The following ABLIM2 variants were observed in gnomAD, a reference collection of about 807,000 sequenced individuals.
The protein encoded by ABLIM2 is actin-binding LIM protein 2.
In ABLIM2, 53 loss-of-function variants were observed where a neutral mutation model predicts 97.7. The ratio of observed to expected loss-of-function variants is 0.54; its 90% CI spans 0.44 to 0.68. The LOEUF (loss-of-function observed/expected upper bound fraction) is 0.68. ABLIM2 is among the 30% of genes least tolerant of loss of function. The probability of loss-of-function intolerance (pLI) is 0.00; values close to 1 mark genes in which losing one functional copy is unlikely to be tolerated. For synonymous variants in ABLIM2, 361 were observed against 345.8 expected, an observed-to-expected ratio of 1.04 and a Z score of -0.49; for missense variants, 835 against 867.2, an observed-to-expected ratio of 0.96 and a Z score of 0.47.
At chr4:8,133,527 C>T (rs1849731464) in intron 1 of ABLIM2, among the ~76,000 whole-genome samples, 2 of 152,330 alleles carry the variant, frequency 1.3e-5, no homozygotes, top group South Asian at 2.1e-4. Flanking sequence ...TCCCAGTCTC[C>T]AGCACACAGT....
rs183186793 is a variant in ABLIM2, at chr4:8,085,605, G to A, written c.454+2564C>T. ...AGCCCCGTCCACTCACGCGGGTCTG[G>A]GGGGTGCCCACGCTGCAGCCCTGTC... On this transcript the variant is annotated intron_variant, in intron 4 of 20. Coordinates refer to ENST00000447017, the MANE Select transcript of ABLIM2 (RefSeq NM_001130083.2). This position sits in a 1 kb window ranked among gnomAD's most constrained non-coding sequence, Gnocchi z 6.1. 9.8e-3 allele frequency among the ~76,000 whole-genome samples: 1,460 copies of A among 148,644 alleles called. 23 individuals carry two copies. Among genetic ancestry groups the A allele is most frequent in the African/African-American group, 0.033 (1,328 of 39,918 alleles).
At chr4:8,045,104 C>T (rs762833024) in intron 9 of ABLIM2, 60 bp downstream of exon 9, 7 of 1,508,932 alleles carry the variant, frequency 4.6e-6, no homozygotes, top group Admixed American at 1.7e-5. Flanking sequence ...CCACGGCCAC[C>T]GGGCCCCCCT....
At chr4:7,983,204 G>C in intron 20 of ABLIM2, 60 bp downstream of exon 20, 1 of 1,522,176 alleles carries the variant, frequency 6.6e-7, no homozygotes. Flanking sequence ...CACGGAGGAG[G>C]CATCTGCGGG....
intron 7 of ABLIM2, among the ~76,000 whole-genome samples, chr4:8,060,720 TG>T (rs1802415506): frequency 6.6e-6 from 1 of 152,222 alleles, no homozygotes. Context: ...TGCTGGTCTT[TG>T]GCTCGGCCCT....
At chr4:8,025,173 C>A (rs1187149403) in intron 12 of ABLIM2, among the ~76,000 whole-genome samples, 1 of 152,196 alleles carries the variant, frequency 6.6e-6, no homozygotes, top group East Asian at 1.9e-4. Flanking sequence ...GGTGATCCGC[C>A]CACCTTGGCC....
rs1773357528 is a variant in ABLIM2 at position 8,021,065 on chromosome 4, T to G, written c.1268-762A>C. Among the ~76,000 whole-genome samples, 1 of 151,950 alleles carries G rather than the reference T, an allele frequency of 6.6e-6. No homozygotes were observed. The highest frequency in any genetic ancestry group is 2.4e-5 in the African/African-American group (1 of 41,358). On this transcript the variant is annotated intron_variant, in intron 12 of 20. Transcript: ENST00000447017. This position sits in a 1 kb window ranked among gnomAD's most constrained non-coding sequence, Gnocchi z 5.5. ...AAGATGGGGTTTTGCCACGTTGCCC[T>G]GGCTGGTCTTGAACTCCTGGGCTCA...
At position 7,966,986 on chromosome 4, in the gene ABLIM2, G is replaced by A; in HGVS notation, c.*4C>T. The A allele has an allele frequency of 6.2e-7, 1 of 1,611,690 alleles. No homozygotes were observed. The highest frequency in any genetic ancestry group is 8.5e-7 in the Non-Finnish European group (1 of 1,178,960). Reference sequence around the variant, plus strand: ...CACACACCAGTGGGGCAGGCTGGCAGCCGTCAGAACAAAAGGGCTTTCTTC... The same window carrying A: ...CACACACCAGTGGGGCAGGCTGGCAACCGTCAGAACAAAAGGGCTTTCTTC... On this transcript the variant is annotated 3_prime_UTR_variant, in exon 21 of 21. Transcript: ENST00000447017.
intron 9 of ABLIM2, among the ~76,000 whole-genome samples, chr4:8,042,926 G>A (rs1482957441): frequency 6.6e-6 from 1 of 151,768 alleles, no homozygotes; most frequent in African/African-American, 2.4e-5. Flanking sequence ...TGAGGCAGGT[G>A]GATTGCTTGA....
intron 17 of ABLIM2, among the ~76,000 whole-genome samples, chr4:7,991,644 C>T (rs989222620): frequency 2.0e-5 from 3 of 152,202 alleles, no homozygotes; most frequent in African/African-American, 7.2e-5. Context: ...TTCAAAGAAG[C>T]GTGCCACATG....
At position 8,075,158 on chromosome 4, in the gene ABLIM2, C is replaced by T. The variant is rs544829346; in HGVS notation, c.675+2470G>A. 6.6e-6 allele frequency among the ~76,000 whole-genome samples: 1 copy of T among 152,294 alleles called. No homozygotes were observed. The highest frequency in any genetic ancestry group is 2.4e-5 in the African/African-American group (1 of 41,552). ...CTTATGTCCGAACGAACCTTGAAAA[C>T]ATCAAGCTATGTGAAAGAAGCCGGT... On this transcript the variant is annotated intron_variant, in intron 6 of 20. Transcript: ENST00000447017. The surrounding 1 kb of genome is among the most constrained non-coding windows in gnomAD (Gnocchi z 4.4).
rs1578118895 is a variant in ABLIM2 at position 7,992,472 on chromosome 4, C to T, written c.1680+394G>A. ...AGGGCATCCCCGAGAAGGAGGTGGG[C>T]ACTTGGCTCACACTGGCTCACCAAA... On this transcript the variant is annotated intron_variant, in intron 17 of 20. Coordinates refer to ENST00000447017, the MANE Select transcript of ABLIM2 (RefSeq NM_001130083.2). The surrounding 1 kb of genome is among the most constrained non-coding windows in gnomAD (Gnocchi z 5.7). Among the ~76,000 whole-genome samples, 1 of 152,138 alleles carries T rather than the reference C, an allele frequency of 6.6e-6. No homozygotes were observed. The highest frequency in any genetic ancestry group is 2.4e-5 in the African/African-American group (1 of 41,436).
intron 5 of ABLIM2, among the ~76,000 whole-genome samples, chr4:8,078,622 GCGCTGC>G (rs1306029376): frequency 6.6e-6 from 1 of 152,226 alleles, no homozygotes; most frequent in Non-Finnish European, 1.5e-5. Context: ...GTGTGGGGAG[GCGCTGC>G]TCTGCTGAGC....
chr4:8,023,910 G>A lies in ABLIM2; in HGVS notation c.1268-3607C>T, dbSNP rs1457421543. Among the ~76,000 whole-genome samples the A allele has an allele frequency of 3.3e-5, 5 of 152,194 alleles. No individual in the cohort carries two copies. Among genetic ancestry groups the A allele is most frequent in the South Asian group, 2.1e-4 (1 of 4,832 alleles). On this transcript the variant is annotated intron_variant, in intron 12 of 20. Coordinates refer to ENST00000447017, the MANE Select transcript of ABLIM2 (RefSeq NM_001130083.2). This position sits in a 1 kb window ranked among gnomAD's most constrained non-coding sequence, Gnocchi z 5.7. ...TGCTGGCTCAGCTGGCTCCTGTGGA[G>A]CCTCCTCCAGGTGACACCGCAGAGA...
intron 16 of ABLIM2, among the ~76,000 whole-genome samples, chr4:7,997,337 TG>T (rs1021994266): frequency 1.3e-5 from 2 of 152,194 alleles, no homozygotes; most frequent in African/African-American, 4.8e-5. Context: ...CCTAAAGTGC[TG>T]GGATTACAGG....
intron 5 of ABLIM2, among the ~76,000 whole-genome samples, chr4:8,079,920 G>A (rs1052479088): frequency 6.6e-6 from 1 of 152,290 alleles, no homozygotes; most frequent in Middle Eastern, 3.4e-3. Flanking sequence ...CCAGGAAGGG[G>A]CCCTCTGCGC....
chr4:7,991,721 C>T (rs927899416), intron 17 of ABLIM2, among the ~76,000 whole-genome samples: 1 of 152,124 alleles, frequency 6.6e-6, no homozygotes, highest in Non-Finnish European at 1.5e-5. Flanking sequence ...GTGTGGTTTG[C>T]TAGATTCAAA....
chr4:7,983,233 G>A (rs1467441568), intron 20 of ABLIM2, 31 bp downstream of exon 20: 1 of 1,589,662 alleles, frequency 6.3e-7, no homozygotes, highest in Admixed American at 1.8e-5. Context: ...CATGGGAAAT[G>A]AGTCCCCTGC....
rs1311164463 is a variant in ABLIM2 at position 8,083,066 on chromosome 4, C to T, written c.455-2264G>A. Among the ~76,000 whole-genome samples the T allele has an allele frequency of 6.6e-6, 1 of 152,158 alleles. No homozygotes were observed. The highest frequency in any genetic ancestry group is 1.5e-5 in the Non-Finnish European group (1 of 68,026). On this transcript the variant is annotated intron_variant, in intron 4 of 20. Transcript: ENST00000447017. The surrounding 1 kb of genome is among the most constrained non-coding windows in gnomAD (Gnocchi z 4.6). Reference sequence around the variant, plus strand: ...GTGGGCAGTGGACACAGGATGCTAACCGTGCCAGGACAGCCGCCCTCAACA... The same window carrying T: ...GTGGGCAGTGGACACAGGATGCTAATCGTGCCAGGACAGCCGCCCTCAACA...
chr4:8,009,302 A>C (rs764574011), intron 14 of ABLIM2, among the ~76,000 whole-genome samples, 200 bp from the exon 15 acceptor site: 1 of 152,260 alleles, frequency 6.6e-6, no homozygotes, highest in Non-Finnish European at 1.5e-5. Context: ...GAGCATCAGC[A>C]GCAGGGGTGT....
Sources: gnomAD v4.1 joint callset for allele counts (sites outside exome capture counted in the v4.1 genomes callset) on GRCh38, gnomAD v4.1.1 for gene constraint, Gnocchi (gnomAD v3.1) non-coding constraint, MANE v1.5 for transcripts, NCBI Gene and HGNC (gene_info 2026-07-23, HGNC 2026-07-21) for gene names.